Variants in MAGI2 observed in about 807,000 individuals in gnomAD.
MAGI2 encodes the protein membrane-associated guanylate kinase, WW and PDZ domain-containing protein 2.
MAGI2 carries 35 observed loss-of-function variants against 133.3 expected under a neutral mutation model. That is an observed-to-expected ratio of 0.26 (90% CI 0.20 to 0.35). MAGI2 has a LOEUF of 0.35. Ranked by LOEUF, MAGI2 falls within the 10% of genes least tolerant of loss-of-function variation. The pLI, the probability that MAGI2 is intolerant of heterozygous loss-of-function variation, is 1.00. For synonymous variants in MAGI2, 729 were observed against 710.6 expected, an observed-to-expected ratio of 1.03 and a Z score of -0.41; for missense variants, 1,636 against 1,863.4, an observed-to-expected ratio of 0.88 and a Z score of 2.25.
chr7:79,299,371 A>G (rs1247520745), intron 1 of MAGI2, among the ~76,000 whole-genome samples: 2 of 151,872 alleles, frequency 1.3e-5, no homozygotes, highest in Admixed American at 1.3e-4. Flanking sequence ...TGAGTTGTTT[A>G]TGGTCAGGAG....
intron 3 of MAGI2, among the ~76,000 whole-genome samples, chr7:78,538,188 G>A (rs1798120285): frequency 6.6e-6 from 1 of 152,106 alleles, no homozygotes; most frequent in African/African-American, 2.4e-5. Flanking sequence ...TGGTCCCTGT[G>A]GCTATTTTTA....
chr7:79,024,581 G>C (rs1717680190), intron 1 of MAGI2, among the ~76,000 whole-genome samples: 1 of 151,922 alleles, frequency 6.6e-6, no homozygotes, highest in South Asian at 2.1e-4. Flanking sequence ...CCTAAAGAAT[G>C]GGAGAAAATA....
At chr7:78,543,850 C>A (rs902472796) in intron 3 of MAGI2, among the ~76,000 whole-genome samples, 1 of 152,188 alleles carries the variant, frequency 6.6e-6, no homozygotes, top group African/African-American at 2.4e-5. Context: ...TTAGTCATAT[C>A]TTTATGTAGA....
intron 1 of MAGI2, among the ~76,000 whole-genome samples, chr7:79,222,335 G>T (rs1830501823): frequency 6.6e-6 from 1 of 151,972 alleles, no homozygotes; most frequent in Admixed American, 6.6e-5. Context: ...ATATTTGGAA[G>T]TTCAGAATTG....
intron 21 of MAGI2, among the ~76,000 whole-genome samples, chr7:78,044,678 CGTGTGTGTGTGT>C (rs58076536): frequency 7.9e-6 from 1 of 126,408 alleles, no homozygotes. Context: ...GCTAATGTAC[CGTGTGTGTGTGT>C]GTGTGTGTGT....
chr7:78,826,147 T>A (rs537840788), intron 2 of MAGI2, among the ~76,000 whole-genome samples: 35 of 151,194 alleles, frequency 2.3e-4, no homozygotes, highest in African/African-American at 8.5e-4. Flanking sequence ...GGTCAGGAGG[T>A]CGAGACCATC....
chr7:78,685,460 A>T (rs1585080044), intron 2 of MAGI2, among the ~76,000 whole-genome samples: 2 of 91,922 alleles, frequency 2.2e-5, no homozygotes, highest in African/African-American at 4.0e-5. Context: ...TCAATTTGTC[A>T]TTGTCGTTTT....
chr7:78,664,109 A>G (rs1813278107), intron 2 of MAGI2, among the ~76,000 whole-genome samples: 1 of 152,174 alleles, frequency 6.6e-6, no homozygotes, highest in South Asian at 2.1e-4. Context: ...CTATTTAGTC[A>G]TAGAGTCTAT....
intron 1 of MAGI2, among the ~76,000 whole-genome samples, chr7:79,396,355 T>C (rs1845056276): frequency 6.6e-6 from 1 of 152,098 alleles, no homozygotes; most frequent in Admixed American, 6.5e-5. Flanking sequence ...AGGGGATCAG[T>C]CCCAGAATCA....
intron 2 of MAGI2, among the ~76,000 whole-genome samples, chr7:78,990,140 T>G (rs1805622872): frequency 6.6e-6 from 1 of 152,062 alleles, no homozygotes; most frequent in African/African-American, 2.4e-5. Context: ...ATACTCCCAG[T>G]GTTTCTGTGA....
chr7:79,175,473 T>C (rs1826012467), intron 1 of MAGI2, among the ~76,000 whole-genome samples: 1 of 151,940 alleles, frequency 6.6e-6, no homozygotes. Context: ...AATTAAAACA[T>C]CAGTTGTCCC....
intron 10 of MAGI2, among the ~76,000 whole-genome samples, chr7:78,220,524 A>C (rs1340134707): frequency 1.3e-5 from 2 of 152,240 alleles, no homozygotes; most frequent in Admixed American, 1.3e-4. Context: ...CTTGCTAAGT[A>C]AATAACAGGG....
chr7:78,688,396 A>G (rs749196058), intron 2 of MAGI2, among the ~76,000 whole-genome samples: 9 of 152,236 alleles, frequency 5.9e-5, no homozygotes, highest in Non-Finnish European at 1.2e-4. Context: ...CTTATTAAAT[A>G]CTATGTTTCA....
intron 2 of MAGI2, among the ~76,000 whole-genome samples, chr7:78,711,363 AGGAG>A (rs1255053856): frequency 2.6e-5 from 4 of 152,250 alleles, no homozygotes; most frequent in Admixed American, 2.6e-4. Flanking sequence ...GGTTGCAGAG[AGGAG>A]GGATGTTATT....
intron 2 of MAGI2, among the ~76,000 whole-genome samples, chr7:78,909,136 A>G (rs535310338): frequency 1.0e-4 from 15 of 150,408 alleles, no homozygotes; most frequent in African/African-American, 3.6e-4. Context: ...AAAAAACCCC[A>G]TCAAAAAGTA....
chr7:79,019,524 A>G lies in MAGI2; in HGVS notation c.302-12318T>C, dbSNP rs940601768. 2.6e-5 allele frequency among the ~76,000 whole-genome samples: 4 copies of G among 151,790 alleles called. No homozygotes were observed. The South Asian group carries it at 8.3e-4, about 32-fold the overall frequency. On this transcript the variant is annotated intron_variant, in intron 1 of 21. Coordinates refer to ENST00000354212, the MANE Select transcript of MAGI2 (RefSeq NM_012301.4). ...CTTTATAAATGACCCAATCTTGGGT[A>G]TTTCTTTTTTCTGTTTTTCTTTTTT...
At position 78,669,883 on chromosome 7, in the gene MAGI2, A is replaced by C. The variant is rs202074194; in HGVS notation, c.419-42644T>G. On this transcript the variant is annotated intron_variant, in intron 2 of 21. Transcript: ENST00000354212. ...ACAAAATTCAACAACCCTTCATGCT[A>C]AAAGCTCTCAATAAATTAGGTATTG... Among the ~76,000 whole-genome samples the C allele has an allele frequency of 5.0e-5, 7 of 139,656 alleles. No homozygotes were observed. The South Asian group carries it at 9.0e-4, about 18-fold the overall frequency. 91.6% of individuals were successfully genotyped at this position (139,656 alleles called of 152,430 possible). A position where few individuals can be genotyped will look rare whatever the true frequency, so the allele number is the denominator to read the frequency against.
chr7:78,819,628 CAA>C (rs944997868), intron 2 of MAGI2, among the ~76,000 whole-genome samples: 1 of 151,902 alleles, frequency 6.6e-6, no homozygotes, highest in African/African-American at 2.4e-5. Context: ...AAAGAGAAGA[CAA>C]TGTGTATGTG....
intron 2 of MAGI2, among the ~76,000 whole-genome samples, chr7:78,750,762 G>A (rs923964607): frequency 8.5e-5 from 13 of 152,052 alleles, no homozygotes; most frequent in Admixed American, 6.6e-4. Context: ...TTAAATTTTC[G>A]CTCTTGCAAA....
Sources: allele counts gnomAD v4.1 joint callset (sites outside exome capture counted in the v4.1 genomes callset), GRCh38; gene constraint gnomAD v4.1.1; transcripts MANE v1.5; gene names NCBI Gene and HGNC (gene_info 2026-07-23, HGNC 2026-07-21).